SBK1: variants seen among roughly 807,000 people sequenced by gnomAD.
The protein encoded by SBK1 is serine/threonine-protein kinase SBK1.
A neutral mutation model predicts 24.4 loss-of-function variants in SBK1; 11 were observed. That is an observed-to-expected ratio of 0.45 (90% CI 0.28 to 0.75). The LOEUF (loss-of-function observed/expected upper bound fraction) is 0.75. Ranked by LOEUF, SBK1 falls within the 30% of genes least tolerant of loss-of-function variation. The pLI, the probability that SBK1 is intolerant of heterozygous loss-of-function variation, is 0.12. For synonymous variants in SBK1, 308 were observed against 284.4 expected (o/e 1.08, Z -0.83); for missense variants, 467 against 620.5 (o/e 0.75, Z 2.63).
chr16:28,273,166 C>T lies in SBK1; in HGVS notation c.257+13664C>T, dbSNP rs189481820. On this transcript the variant is annotated intron_variant, in intron 1 of 3. Transcript: ENST00000671413. Reference sequence around the variant, plus strand: ...CCTCAAGCAGTCCCTTCACTTTGAACTCCCAAAGTGCTGGATTAAAGGTGT... The same window carrying T: ...CCTCAAGCAGTCCCTTCACTTTGAATTCCCAAAGTGCTGGATTAAAGGTGT... Among the ~76,000 whole-genome samples the T allele has an allele frequency of 1.1e-3, 164 of 151,912 alleles. 2 individuals carry two copies. The South Asian group carries it at 0.027, about 25-fold the overall frequency.
At chr16:28,311,921 G>C (rs372987584) in intron 1 of SBK1, among the ~76,000 whole-genome samples, 16 of 152,344 alleles carry the variant, frequency 1.1e-4, no homozygotes, top group African/African-American at 3.8e-4. Context: ...TCCTGTCCCT[G>C]GGTGTGGGAG....
At chr16:28,260,898 C>A (rs1378943793) in intron 1 of SBK1, among the ~76,000 whole-genome samples, 2 of 152,148 alleles carry the variant, frequency 1.3e-5, no homozygotes, top group African/African-American at 4.8e-5. Flanking sequence ...CGGAGGCCCA[C>A]CAGGTCTGTC....
At chr16:28,299,957 G>A (rs2044667889) in intron 1 of SBK1, among the ~76,000 whole-genome samples, 1 of 152,190 alleles carries the variant, frequency 6.6e-6, no homozygotes, top group Admixed American at 6.5e-5. Context: ...TCTGCCAGGA[G>A]AGCCCGCCCA....
At chr16:28,295,594 C>G (rs529962601) in intron 1 of SBK1, among the ~76,000 whole-genome samples, 1 of 152,254 alleles carries the variant, frequency 6.6e-6, no homozygotes, top group South Asian at 2.1e-4. Flanking sequence ...TCAGCATTGT[C>G]TAATTCAGAG....
chr16:28,272,952 T>C (rs1024016907), intron 1 of SBK1, among the ~76,000 whole-genome samples: 13 of 151,966 alleles, frequency 8.6e-5, no homozygotes, highest in African/African-American at 1.2e-4. Context: ...TTAATTGTAG[T>C]AGTCCCTGTT....
intron 1 of SBK1, among the ~76,000 whole-genome samples, chr16:28,278,164 C>G (rs2044506649): frequency 1.3e-5 from 2 of 152,256 alleles, no homozygotes; most frequent in African/African-American, 4.8e-5. Flanking sequence ...TCGCCATGGC[C>G]TCCGTCTCTC....
chr16:28,280,149 A>ATATATATATATATGTGTGTG (rs1230385223), intron 1 of SBK1, among the ~76,000 whole-genome samples: 2 of 39,410 alleles, frequency 5.1e-5, no homozygotes, highest in African/African-American at 1.6e-4. Context: ...ATATATATAT[A>ATATATATATATATGTGTGTG]TGTGTGTGTG....
chr16:28,315,801 T>G (rs1269868679), intron 1 of SBK1, among the ~76,000 whole-genome samples: 2 of 152,168 alleles, frequency 1.3e-5, no homozygotes, highest in Non-Finnish European at 2.9e-5. Context: ...AGTCTTGTTC[T>G]GTCGCCCAGG....
rs948773215 is a variant in SBK1 at position 28,317,231 on chromosome 16, C to T, written c.-7-154C>T. Reference sequence around the variant, plus strand: ...GCCCCTGAGGCTTTGGGGAAGGCGACGCGACCAAGATGCTTGTCGCCCCCT... The same window carrying T: ...GCCCCTGAGGCTTTGGGGAAGGCGATGCGACCAAGATGCTTGTCGCCCCCT... On this transcript the variant is annotated intron_variant, in intron 1 of 3. Transcript: ENST00000341901. The surrounding 1 kb of genome is among the most constrained non-coding windows in gnomAD (Gnocchi z 4.2). Among the ~76,000 whole-genome samples, 1 of 152,092 alleles carries T rather than the reference C, an allele frequency of 6.6e-6. No homozygotes were observed. Among genetic ancestry groups the T allele is most frequent in the Non-Finnish European group, 1.5e-5 (1 of 68,024 alleles).
Position 28,278,270 on chromosome 16 carries a change from G to A in SBK1, c.257+18768G>A, listed in dbSNP as rs143740042. 5.3e-3 allele frequency among the ~76,000 whole-genome samples: 813 copies of A among 152,340 alleles called. 2 individuals carry two copies. The highest frequency in any genetic ancestry group is 0.017 in the Middle Eastern group (5 of 294). ...TCGACTTTGGGGCAGGGGAGAGCAG[G>A]GGGAGGTAGGCAGTGTCTAGGACAG... On this transcript the variant is annotated intron_variant, in intron 1 of 3. Transcript: ENST00000671413.
chr16:28,307,754 A>AG (rs1345907147), intron 1 of SBK1, among the ~76,000 whole-genome samples: 4 of 151,704 alleles, frequency 2.6e-5, no homozygotes, highest in African/African-American at 9.7e-5. Context: ...AAAAAAAAAA[A>AG]AAGAAGAAAG....
At position 28,317,640 on chromosome 16, in the gene SBK1, G is replaced by A; in HGVS notation, c.226+23G>A. The A allele has an allele frequency of 1.3e-6, 2 of 1,549,194 alleles. No individual in the cohort carries two copies. Among genetic ancestry groups the A allele is most frequent in the Non-Finnish European group, 1.8e-6 (2 of 1,120,688 alleles). On this transcript the variant is annotated intron_variant, in intron 2 of 3. Transcript: ENST00000341901. The surrounding 1 kb of genome is among the most constrained non-coding windows in gnomAD (Gnocchi z 4.2). ...CAGGTGAACAAGTGCAGGGTGGCAG[G>A]GCTGAGAGGTTGGGGTGGGGCAGGG...
intron 1 of SBK1, among the ~76,000 whole-genome samples, chr16:28,303,795 G>A (rs1345106935): frequency 6.6e-6 from 1 of 152,058 alleles, no homozygotes. Flanking sequence ...TGGGATTATA[G>A]GCATGAGCTA....
At chr16:28,316,361 T>C (rs549259184) in intron 1 of SBK1, among the ~76,000 whole-genome samples, 1 of 152,336 alleles carries the variant, frequency 6.6e-6, no homozygotes, top group East Asian at 1.9e-4. Context: ...TCTACTGCCC[T>C]TCTCCCCCTG....
chr16:28,296,049 C>T (rs2044637485), intron 1 of SBK1, among the ~76,000 whole-genome samples: 1 of 151,080 alleles, frequency 6.6e-6, no homozygotes, highest in Non-Finnish European at 1.5e-5. Flanking sequence ...ACTCAGTCTC[C>T]TGAGTAGCTG....
At chr16:28,263,829 G>C (rs1312305693) in intron 1 of SBK1, among the ~76,000 whole-genome samples, 2 of 152,144 alleles carry the variant, frequency 1.3e-5, no homozygotes, top group Non-Finnish European at 2.9e-5. Flanking sequence ...AGTGCTTTCT[G>C]AACATATTTA....
At chr16:28,289,695 A>G (rs1254748455), upstream of SBK1, among the ~76,000 whole-genome samples, 12 of 151,916 alleles carry the variant, frequency 7.9e-5, no homozygotes, top group Non-Finnish European at 1.8e-4. Context: ...TGAACCCGGG[A>G]GACGGAGGCT....
At chr16:28,291,067 T>C (rs1461039026), upstream of SBK1, 1 of 152,178 alleles carries the variant, frequency 6.6e-6, no homozygotes. Flanking sequence ...GGTACTTGCG[T>C]TTGCAATCCC....
At chr16:28,261,437 A>G (rs2044396888) in intron 1 of SBK1, among the ~76,000 whole-genome samples, 2 of 71,466 alleles carry the variant, frequency 2.8e-5, no homozygotes, top group Admixed American at 1.2e-4. Context: ...CTACACACAC[A>G]CACACACACA....
Sources: gnomAD v4.1 joint callset for allele counts (sites outside exome capture counted in the v4.1 genomes callset) on GRCh38, gnomAD v4.1.1 for gene constraint, Gnocchi (gnomAD v3.1) non-coding constraint, MANE v1.5 for transcripts, NCBI Gene and HGNC (gene_info 2026-07-23, HGNC 2026-07-21) for gene names.